FAM167A: variants seen among roughly 807,000 people sequenced by gnomAD.
The protein encoded by FAM167A is protein FAM167A.
Under a neutral mutation model 14.9 loss-of-function variants are expected in FAM167A, and 23 were observed. That is an observed-to-expected ratio of 1.55 (90% CI 1.11 to 2.19). The LOEUF is 2.19. Ranked by LOEUF, FAM167A falls within the 30% of genes most tolerant of loss-of-function variation. The pLI is 0.00. For missense variants in FAM167A, 401 were observed against 281.5 expected, an observed-to-expected ratio of 1.42 and a Z score of -3.04; for synonymous variants, 174 against 117.7, an observed-to-expected ratio of 1.48 and a Z score of -3.10.
At chr8:11,468,438 A>C (rs973599832), upstream of FAM167A, among the ~76,000 whole-genome samples, 1 of 152,244 alleles carries the variant, frequency 6.6e-6, no homozygotes, top group African/African-American at 2.4e-5. Context: ...TATGTCCTTC[A>C]TGGACCAGTT....
chr8:11,432,956 A>G (rs943420545), intron 2 of FAM167A, among the ~76,000 whole-genome samples: 2 of 152,324 alleles, frequency 1.3e-5, no homozygotes, highest in Middle Eastern at 3.4e-3. Flanking sequence ...CAGCAAACCA[A>G]CACAGAAACA....
intron 2 of FAM167A, among the ~76,000 whole-genome samples, chr8:11,441,546 G>T (rs1307733165): frequency 1.3e-5 from 2 of 152,078 alleles, no homozygotes; most frequent in South Asian, 2.1e-4. Context: ...CTCCTTGGTC[G>T]CTGCTCTTTG....
upstream of FAM167A, among the ~76,000 whole-genome samples, chr8:11,471,834 C>T (rs751672650): frequency 1.9e-4 from 29 of 152,110 alleles, no homozygotes; most frequent in Non-Finnish European, 2.9e-4. Flanking sequence ...TGGCCTCTTC[C>T]TGGTCTATGG....
chr8:11,429,256 C>G lies in FAM167A; in HGVS notation c.382-4620G>C, dbSNP rs1040360297. ...CTAATTTCACTTAGCATAATGTCCT[C>G]TGGTTTCTGATGGCTAAGAAGCTTT... On this transcript the variant is annotated intron_variant, in intron 2 of 2. Coordinates refer to ENST00000284486, the MANE Select transcript of FAM167A (RefSeq NM_053279.3). 2.6e-5 allele frequency among the ~76,000 whole-genome samples: 4 copies of G among 152,318 alleles called. No individual in the cohort carries two copies. In the South Asian group the frequency reaches 8.3e-4, roughly 32 times the overall value.
chr8:11,451,223 G>A (rs1017076451), intron 1 of FAM167A, among the ~76,000 whole-genome samples: 2 of 152,246 alleles, frequency 1.3e-5, no homozygotes, highest in Non-Finnish European at 2.9e-5. Flanking sequence ...CTCAGCACAT[G>A]TGGGGAAAGG....
At chr8:11,441,966 G>A (rs1477178027) in intron 2 of FAM167A, among the ~76,000 whole-genome samples, 2 of 152,234 alleles carry the variant, frequency 1.3e-5, no homozygotes, top group East Asian at 1.9e-4. Flanking sequence ...CTGGCATACA[G>A]GACACACCCC....
intron 2 of FAM167A, among the ~76,000 whole-genome samples, chr8:11,424,911 A>G (rs1461681617): frequency 6.6e-6 from 1 of 152,232 alleles, no homozygotes; most frequent in African/African-American, 2.4e-5. Flanking sequence ...AGATACTTCC[A>G]GTGCTTTCTC....
intron 1 of FAM167A, among the ~76,000 whole-genome samples, chr8:11,461,237 C>A (rs1450777173): frequency 6.6e-6 from 1 of 152,208 alleles, no homozygotes; most frequent in Non-Finnish European, 1.5e-5. Flanking sequence ...GAAAGGGCGG[C>A]CCTGGCAGGC....
At chr8:11,450,873 C>T (rs544140750) in intron 1 of FAM167A, among the ~76,000 whole-genome samples, 31 of 152,296 alleles carry the variant, frequency 2.0e-4, no homozygotes, top group Non-Finnish European at 3.8e-4. Context: ...CCACAAGTGT[C>T]CAGACATAGG....
chr8:11,471,353 C>T (rs1280144652), upstream of FAM167A, among the ~76,000 whole-genome samples: 2 of 152,156 alleles, frequency 1.3e-5, no homozygotes, highest in East Asian at 3.9e-4. Flanking sequence ...CATCACGGCT[C>T]TCCTAGCTCA....
chr8:11,425,275 T>C (rs538516096), intron 2 of FAM167A, among the ~76,000 whole-genome samples: 2 of 152,300 alleles, frequency 1.3e-5, no homozygotes, highest in African/African-American at 4.8e-5. Context: ...TGTGAAGTGA[T>C]GTCACCATCA....
intron 1 of FAM167A, chr8:11,474,589 G>A (rs556101029): frequency 6.6e-6 from 1 of 152,220 alleles, no homozygotes; most frequent in South Asian, 2.1e-4. Flanking sequence ...ATCAATACAG[G>A]CACCCAGAGA....
chr8:11,437,389 C>G (rs1806099591), intron 2 of FAM167A, among the ~76,000 whole-genome samples: 1 of 152,178 alleles, frequency 6.6e-6, no homozygotes, highest in African/African-American at 2.4e-5. Context: ...TGTTCAGTGT[C>G]CTAATGCCAC....
At chr8:11,445,884 A>G (rs1406667869) in intron 1 of FAM167A, among the ~76,000 whole-genome samples, 4 of 152,170 alleles carry the variant, frequency 2.6e-5, no homozygotes, top group Non-Finnish European at 5.9e-5. Context: ...ATATGGAATG[A>G]TGTTTGAGAT....
In FAM167A at chr8:11,422,496, C is replaced by G. The variant is rs1804824809; in HGVS notation, c.*1877G>C. On this transcript the variant is annotated 3_prime_UTR_variant, in exon 3 of 3. Transcript: ENST00000284486. ...GACTTGGCAGTGTTTGTGCAGAGCT[C>G]TGAGGAAGGACAGCAGTACATGGTC... 1 of 152,458 alleles carries G rather than the reference C, an allele frequency of 6.6e-6. No homozygotes were observed. Among genetic ancestry groups the G allele is most frequent in the African/African-American group, 2.4e-5 (1 of 41,350 alleles). The allele number at this position is 152,458 out of a possible 1,614,324, so 9.4% of individuals were successfully genotyped here.
chr8:11,454,150 G>A lies in FAM167A; in HGVS notation c.-397-9342C>T, dbSNP rs113848485. Among the ~76,000 whole-genome samples the A allele has an allele frequency of 3.3e-3, 502 of 152,290 alleles. 2 individuals carry two copies. Among genetic ancestry groups the A allele is most frequent in the African/African-American group, 8.1e-3 (338 of 41,566 alleles). On this transcript the variant is annotated intron_variant, in intron 1 of 2. Transcript: ENST00000284486. ...TGGGGGATGGGATGTCTTTAGTGCC[G>A]GCCTCACCTTCTTGACCCCGACACC...
intron 2 of FAM167A, among the ~76,000 whole-genome samples, chr8:11,441,013 G>C (rs932117751): frequency 6.6e-6 from 1 of 152,124 alleles, no homozygotes; most frequent in East Asian, 1.9e-4. Flanking sequence ...AAGGGTTTTT[G>C]CAAGTTGCTT....
At chr8:11,443,476 T>TG (rs1806562915) in intron 2 of FAM167A, 1 of 157,204 alleles carries the variant, frequency 6.4e-6, no homozygotes, top group Non-Finnish European at 1.4e-5. Flanking sequence ...CCGCCGACTC[T>TG]GGGCAGCTCC....
chr8:11,471,702 G>C (rs938857528), upstream of FAM167A, among the ~76,000 whole-genome samples: 1 of 152,224 alleles, frequency 6.6e-6, no homozygotes, highest in Non-Finnish European at 1.5e-5. Context: ...CCTGCCCTGC[G>C]CTTTCTCCAG....
Sources: allele counts gnomAD v4.1 joint callset (sites outside exome capture counted in the v4.1 genomes callset), GRCh38; gene constraint gnomAD v4.1.1; transcripts MANE v1.5; gene names NCBI Gene and HGNC (gene_info 2026-07-23, HGNC 2026-07-21).